The following SLC4A1AP variants were observed in gnomAD, a reference collection of about 807,000 sequenced individuals.
SLC4A1AP encodes the protein solute carrier family 4 member 1 adaptor protein, also known as kanadaptin.
SLC4A1AP carries 64 observed loss-of-function variants against 89.7 expected under a neutral mutation model. That is an observed-to-expected ratio of 0.71 (90% CI 0.58 to 0.88). SLC4A1AP has a LOEUF of 0.88. Ranked by LOEUF, SLC4A1AP falls within the 40% of genes least tolerant of loss-of-function variation. The probability of loss-of-function intolerance (pLI) is 0.00; values close to 1 mark genes in which losing one functional copy is unlikely to be tolerated. For synonymous variants in SLC4A1AP, 366 were observed against 353.3 expected (o/e 1.04, Z -0.40); for missense variants, 931 against 965.0 (o/e 0.96, Z 0.47).
intron 13 of SLC4A1AP, 80 bp from the exon 14 acceptor site, chr2:27,694,554 C>A: frequency 1.9e-6 from 2 of 1,044,020 alleles, no homozygotes; most frequent in Non-Finnish European, 2.7e-6. Context: ...TACTTTTTGG[C>A]CTACTGATAT....
At chr2:27,668,544 G>A (rs148977667) in intron 3 of SLC4A1AP, 7,883 of 539,850 alleles carry the variant, frequency 0.015, 74 homozygotes, top group Non-Finnish European at 0.021. Flanking sequence ...TGACCTCCTG[G>A]GTTTAAGCTA....
intron 5 of SLC4A1AP, among the ~76,000 whole-genome samples, chr2:27,674,580 A>T (rs1385297417): frequency 6.6e-6 from 1 of 150,732 alleles, no homozygotes; most frequent in Non-Finnish European, 1.5e-5. Flanking sequence ...TTTGTACTTT[A>T]TTTTTTTTTA....
chr2:27,668,673 C>T (rs758129511), intron 3 of SLC4A1AP, 170 bp from the exon 4 acceptor site: 1 of 712,830 alleles, frequency 1.4e-6, no homozygotes, highest in South Asian at 1.5e-5. Context: ...TGGTTTCGCG[C>T]TCCTTAACTC....
intron 8 of SLC4A1AP, among the ~76,000 whole-genome samples, chr2:27,680,819 C>T (rs377349424): frequency 7.1e-6 from 1 of 140,896 alleles, no homozygotes; most frequent in East Asian, 2.0e-4. Flanking sequence ...ACAACAACAA[C>T]ATTTGGGGCA....
intron 6 of SLC4A1AP, among the ~76,000 whole-genome samples, chr2:27,676,728 G>T (rs1440068072): frequency 6.6e-6 from 1 of 151,810 alleles, no homozygotes; most frequent in East Asian, 1.9e-4. Context: ...TACTCTGGAG[G>T]CTGAGACAGG....
chr2:27,669,266 A>G (rs957399856), exon 5 of SLC4A1AP: 1 of 1,611,926 alleles, frequency 6.2e-7, no homozygotes, highest in Admixed American at 1.7e-5. Context: ...TGGACGATTC[A>G]ACTGGAAAAC....
At chr2:27,677,339 T>G in exon 7 of SLC4A1AP, 1 of 1,613,510 alleles carries the variant, frequency 6.2e-7, no homozygotes, top group Non-Finnish European at 8.5e-7. Context: ...CTGAAATTTC[T>G]GAGAGATTGA....
intron 5 of SLC4A1AP, among the ~76,000 whole-genome samples, chr2:27,675,217 G>C (rs944372956): frequency 1.3e-5 from 2 of 152,038 alleles, no homozygotes; most frequent in African/African-American, 4.8e-5. Context: ...ACTGAAATTG[G>C]TATCTGTTAA....
In SLC4A1AP at chr2:27,667,226, C is replaced by T. The variant is rs770538096; in HGVS notation, c.1022-42C>T. The T allele has an allele frequency of 3.8e-6, 6 of 1,590,078 alleles. No homozygotes were observed. In the African/African-American group the frequency reaches 6.8e-5, roughly 18 times the overall value. ...GTGGGTATCATTCAAATAGTCTCTT[C>T]TCATGTCTGATTATCTTTTCTTTCT... On this transcript the variant is annotated intron_variant, in intron 2 of 13. Transcript: ENST00000613058.
At chr2:27,681,799 G>A (rs1375880908) in intron 8 of SLC4A1AP, among the ~76,000 whole-genome samples, 1 of 151,986 alleles carries the variant, frequency 6.6e-6, no homozygotes, top group Non-Finnish European at 1.5e-5. Context: ...CCTGCATACT[G>A]TACCCCCATC....
In SLC4A1AP at chr2:27,690,703, G is replaced by A. The variant is rs141932696; in HGVS notation, c.2271+1936G>A. Among the ~76,000 whole-genome samples, 194 of 152,028 alleles carry A rather than the reference G, an allele frequency of 1.3e-3. 2 individuals are homozygous for A. Among genetic ancestry groups the A allele is most frequent in the African/African-American group, 4.6e-3 (189 of 41,480 alleles). ...TAAGTCTTGTTTTGTTGCCCGGGCTGGTCTCAAACTCCTAGCTTCAAATGA... is the reference window on the plus strand; with the variant it reads ...TAAGTCTTGTTTTGTTGCCCGGGCTAGTCTCAAACTCCTAGCTTCAAATGA... On this transcript the variant is annotated intron_variant, in intron 12 of 13. Coordinates refer to ENST00000613058, the Ensembl canonical transcript of SLC4A1AP.
chr2:27,669,167 G>C (rs1675381106), intron 4 of SLC4A1AP, 81 bp from the exon 5 acceptor site: 17 of 1,388,524 alleles, frequency 1.2e-5, no homozygotes, highest in Non-Finnish European at 1.7e-5. Flanking sequence ...AAAAAAAAAT[G>C]ACTATTATCA....
exon 8 of SLC4A1AP, chr2:27,677,891 T>C (rs1320728944): frequency 6.2e-7 from 1 of 1,606,458 alleles, no homozygotes; most frequent in Non-Finnish European, 8.5e-7. Context: ...TTAATAAAAA[T>C]TGTAAAGCCA....
intron 10 of SLC4A1AP, among the ~76,000 whole-genome samples, chr2:27,687,138 TC>T (rs1378425207): frequency 2.0e-5 from 3 of 152,188 alleles, no homozygotes; most frequent in Non-Finnish European, 4.4e-5. Flanking sequence ...GTTTTTTTTT[TC>T]CTATGCCTTA....
exon 6 of SLC4A1AP, chr2:27,675,577 A>G: frequency 6.2e-7 from 1 of 1,607,424 alleles, no homozygotes; most frequent in South Asian, 1.1e-5. Context: ...GAAGACTTTT[A>G]TGATAGTGAT....
At position 27,687,916 on chromosome 2, in the gene SLC4A1AP, T is replaced by C. The variant is rs1354761472; in HGVS notation, c.2117-18T>C. 6.3e-7 allele frequency: 1 copy of C among 1,586,126 alleles called. No homozygotes were observed. Among genetic ancestry groups the C allele is most frequent in the South Asian group, 1.1e-5 (1 of 90,084 alleles). ...TGAATTAAATCATGACAATATGATTTGATATTGCTTTTTATAGAAAACATG... is the reference window on the plus strand; with the variant it reads ...TGAATTAAATCATGACAATATGATTCGATATTGCTTTTTATAGAAAACATG... On this transcript the variant is annotated intron_variant, in intron 10 of 13. Coordinates refer to ENST00000613058, the Ensembl canonical transcript of SLC4A1AP.
Position 27,663,955 on chromosome 2 carries a change from AAGAC to A in SLC4A1AP, c.204_207del (p.Gln68HisfsTer101). 6.2e-7 allele frequency: 1 copy of A among 1,614,224 alleles called. No individual in the cohort carries two copies. The highest frequency in any genetic ancestry group is 8.5e-7 in the Non-Finnish European group (1 of 1,180,032). On this transcript the variant is annotated frameshift_variant, in exon 1 of 14. Transcript: ENST00000613058. LOFTEE classifies it high-confidence loss of function. ...TCTCAGTCAGAGACCCTGGCGTCGC[AAGAC>A]CTCAGTGGGGACTTCAAGAAGCCAG...
chr2:27,672,325 C>G (rs527583397), intron 5 of SLC4A1AP, among the ~76,000 whole-genome samples: 3 of 147,672 alleles, frequency 2.0e-5, no homozygotes, highest in Non-Finnish European at 4.4e-5. Flanking sequence ...ATCTGTATGT[C>G]TTTTCCTTCT....
At chr2:27,665,909 G>A (rs545335358) in intron 2 of SLC4A1AP, among the ~76,000 whole-genome samples, 1 of 152,298 alleles carries the variant, frequency 6.6e-6, no homozygotes, top group South Asian at 2.1e-4. Flanking sequence ...ACAAAAGCTA[G>A]AAACCATAAG....
Sources: allele counts gnomAD v4.1 joint callset (sites outside exome capture counted in the v4.1 genomes callset), GRCh38; gene constraint gnomAD v4.1.1; transcripts MANE v1.5; gene names NCBI Gene and HGNC (gene_info 2026-07-23, HGNC 2026-07-21).